Variants in GLRA2 observed in about 807,000 individuals in gnomAD.
GLRA2 encodes glycine receptor subunit alpha-2.
Under a neutral mutation model 31.6 loss-of-function variants are expected in GLRA2, and 11 were observed. The observed-to-expected ratio is 0.35, with a 90% CI of 0.22 to 0.58. The LOEUF (loss-of-function observed/expected upper bound fraction) is 0.58. GLRA2 is among the 20% of genes least tolerant of loss of function. The pLI is 0.84. For missense variants in GLRA2, 212 were observed against 351.8 expected, an observed-to-expected ratio of 0.60 and a Z score of 3.18; for synonymous variants, 132 against 134.0, an observed-to-expected ratio of 0.99 and a Z score of 0.10.
intron 7 of GLRA2, among the ~76,000 whole-genome samples, chrX:14,624,515 G>A (rs1206865730): frequency 8.9e-6 from 1 of 111,891 alleles, no homozygotes; most frequent in Non-Finnish European, 1.9e-5. Flanking sequence ...TCCACACACT[G>A]CTTTAAATGT....
chrX:14,503,022 A>C, the GLRA2 span, among the ~76,000 whole-genome samples: 22 of 111,134 alleles, frequency 2.0e-4, no homozygotes, highest in African/African-American at 6.6e-4. Flanking sequence ...GAGAGACTAA[A>C]ATTTTTCATT....
At chrX:14,729,851 C>T (rs1458148006) in intron 8 of GLRA2, among the ~76,000 whole-genome samples, 2 of 111,915 alleles carry the variant, frequency 1.8e-5, no homozygotes, top group Non-Finnish European at 3.8e-5. Flanking sequence ...CATAGACTTA[C>T]AGTGTAACAC....
chrX:14,722,803 A>C (rs2091881983), intron 8 of GLRA2, among the ~76,000 whole-genome samples: 1 of 111,573 alleles, frequency 9.0e-6, no homozygotes, highest in African/African-American at 3.3e-5. Context: ...AGCTGACCTA[A>C]ACCATGGCTA....
chrX:14,475,281 C>T, the GLRA2 span, among the ~76,000 whole-genome samples: 1 of 112,676 alleles, frequency 8.9e-6, no homozygotes. Flanking sequence ...ATAAAGACTG[C>T]TTCTTTACAT....
chrX:14,452,697 T>TGG, the GLRA2 span, among the ~76,000 whole-genome samples: 1 of 111,168 alleles, frequency 9.0e-6, no homozygotes, highest in African/African-American at 3.3e-5. Context: ...GACTGAGAAG[T>TGG]GGGGGGATTA....
intron 2 of GLRA2, among the ~76,000 whole-genome samples, chrX:14,553,170 C>A (rs899318625): frequency 8.9e-6 from 1 of 111,994 alleles, no homozygotes; most frequent in Non-Finnish European, 1.9e-5. Context: ...GGACATAGAA[C>A]AGTTTCTCCA....
At chrX:14,650,220 G>T (rs1006878060) in intron 7 of GLRA2, among the ~76,000 whole-genome samples, 1 of 110,917 alleles carries the variant, frequency 9.0e-6, no homozygotes, top group Admixed American at 9.6e-5. Flanking sequence ...AATCACGTTT[G>T]CCTCCATTAA....
At chrX:14,485,168 G>T in the GLRA2 span, among the ~76,000 whole-genome samples, 1 of 112,081 alleles carries the variant, frequency 8.9e-6, no homozygotes, top group Non-Finnish European at 1.9e-5. Context: ...CCACTTCATT[G>T]TCAGGCAAGC....
the GLRA2 span, among the ~76,000 whole-genome samples, chrX:14,493,809 T>C: frequency 9.8e-6 from 1 of 101,907 alleles, no homozygotes; most frequent in East Asian, 3.0e-4. Context: ...ATATATATGT[T>C]CTAGAACCCC....
the GLRA2 span, among the ~76,000 whole-genome samples, chrX:14,516,127 T>A: frequency 3.8e-4 from 42 of 111,389 alleles, no homozygotes; most frequent in Non-Finnish European, 7.4e-4. Context: ...CCTCCTTTTG[T>A]ATAGCACACT....
intron 8 of GLRA2, among the ~76,000 whole-genome samples, chrX:14,716,398 C>G (rs1475900148): frequency 8.9e-6 from 1 of 111,799 alleles, no homozygotes; most frequent in Non-Finnish European, 1.9e-5. Flanking sequence ...GTGATTTCCT[C>G]TGTTCCTCTG....
At chrX:14,598,086 T>C (rs2090227619) in intron 4 of GLRA2, among the ~76,000 whole-genome samples, 1 of 111,527 alleles carries the variant, frequency 9.0e-6, no homozygotes, top group East Asian at 2.8e-4. Flanking sequence ...TGAAAGTTTG[T>C]GGTGTGCTGC....
chrX:14,518,419 A>AT, the GLRA2 span, among the ~76,000 whole-genome samples: 1 of 111,749 alleles, frequency 8.9e-6, no homozygotes. Flanking sequence ...ATGTATAAGA[A>AT]TATTATGCAG....
At chrX:14,692,539 A>G (rs767655616) in intron 8 of GLRA2, among the ~76,000 whole-genome samples, 3 of 112,145 alleles carry the variant, frequency 2.7e-5, no homozygotes, top group East Asian at 5.6e-4. Context: ...ACCTTATCAT[A>G]ATGAGACTCA....
chrX:14,603,403 T>C (rs1478249609), intron 4 of GLRA2, among the ~76,000 whole-genome samples: 1 of 111,411 alleles, frequency 9.0e-6, no homozygotes, highest in African/African-American at 3.3e-5. Context: ...GACTGTTCCT[T>C]TTGCCATGCA....
intron 7 of GLRA2, among the ~76,000 whole-genome samples, chrX:14,663,824 G>GTATA (rs780468945): frequency 8.1e-5 from 9 of 111,241 alleles, no homozygotes; most frequent in African/African-American, 2.9e-4. Flanking sequence ...TTTCAGTAAA[G>GTATA]TATATTTTTC....
chrX:14,450,411 A>G, the GLRA2 span, among the ~76,000 whole-genome samples: 2 of 111,754 alleles, frequency 1.8e-5, no homozygotes, highest in Non-Finnish European at 3.8e-5. Flanking sequence ...GGCTAAGGAA[A>G]TGCAGGTGTG....
chrX:14,651,156 T>C (rs2090886076), intron 7 of GLRA2, among the ~76,000 whole-genome samples: 1 of 111,993 alleles, frequency 8.9e-6, no homozygotes, highest in South Asian at 3.7e-4. Context: ...TTTTTACTCT[T>C]TTGTTGAATG....
rs1312905167 is a variant in GLRA2 at position 14,658,283 on chromosome X, TG to T, written c.931-32426del. ...AGCTCTGTGCTTGGTGTTGTGCTTG[TG>T]TAACCCTTATAAAGTTAGGCTGCCT... On this transcript the variant is annotated intron_variant, in intron 7 of 8. Coordinates refer to ENST00000218075, the MANE Select transcript of GLRA2 (RefSeq NM_002063.4). Among the ~76,000 whole-genome samples the T allele has an allele frequency of 1.3e-4, 14 of 111,995 alleles. No homozygotes were observed. In the Admixed American group the frequency reaches 1.3e-3, roughly 11 times the overall value.
Sources: gnomAD v4.1 joint callset for allele counts (sites outside exome capture counted in the v4.1 genomes callset) on GRCh38, gnomAD v4.1.1 for gene constraint, MANE v1.5 for transcripts, NCBI Gene and HGNC (gene_info 2026-07-23, HGNC 2026-07-21) for gene names.